FHIP1A: variants seen among roughly 807,000 people sequenced by gnomAD.
The protein encoded by FHIP1A is FHF complex subunit HOOK-interacting protein 1A.
FHIP1A carries 61 observed loss-of-function variants against 88.6 expected under a neutral mutation model. The ratio of observed to expected loss-of-function variants is 0.69; its 90% CI spans 0.56 to 0.85. FHIP1A has a LOEUF of 0.85. Among genes scored for constraint, FHIP1A ranks in the 40% least tolerant of loss-of-function variants. The probability of loss-of-function intolerance (pLI) is 0.00; values close to 1 mark genes in which losing one functional copy is unlikely to be tolerated. For synonymous variants in FHIP1A, 478 were observed against 496.0 expected (o/e 0.96, Z 0.48); for missense variants, 1,154 against 1,273.5 (o/e 0.91, Z 1.43).
intron 4 of FHIP1A, among the ~76,000 whole-genome samples, chr4:151,573,096 T>G (rs979395024): frequency 5.3e-5 from 8 of 152,222 alleles, no homozygotes; most frequent in Non-Finnish European, 5.9e-5. Flanking sequence ...TTAGCCCCAG[T>G]AATTCTCACA....
intron 1 of FHIP1A, among the ~76,000 whole-genome samples, chr4:151,450,453 A>C (rs1362342708): frequency 6.6e-6 from 1 of 152,150 alleles, no homozygotes; most frequent in Non-Finnish European, 1.5e-5. Flanking sequence ...TTATTTATTT[A>C]ATCTATCCTC....
chr4:151,434,507 G>A (rs1733727243), intron 1 of FHIP1A, among the ~76,000 whole-genome samples: 1 of 152,154 alleles, frequency 6.6e-6, no homozygotes, highest in Non-Finnish European at 1.5e-5. Flanking sequence ...TGATATAACA[G>A]GGAGAGCCAA....
intron 3 of FHIP1A, among the ~76,000 whole-genome samples, chr4:151,493,058 G>T (rs1370330058): frequency 6.6e-6 from 1 of 152,006 alleles, no homozygotes; most frequent in East Asian, 1.9e-4. Context: ...TATTTAAAAA[G>T]ATAAACAAAA....
chr4:151,640,494 G>A (rs1736546019), intron 9 of FHIP1A, among the ~76,000 whole-genome samples: 1 of 152,166 alleles, frequency 6.6e-6, no homozygotes, highest in Non-Finnish European at 1.5e-5. Context: ...TCCTCATCAA[G>A]CCTCTACTGA....
chr4:151,554,641 C>G (rs1732876348), intron 3 of FHIP1A, among the ~76,000 whole-genome samples: 1 of 152,116 alleles, frequency 6.6e-6, no homozygotes, highest in South Asian at 2.1e-4. Flanking sequence ...TGTTCTATTT[C>G]TACTGTGAAT....
chr4:151,616,641 G>A (rs1014758014), intron 7 of FHIP1A, among the ~76,000 whole-genome samples: 2 of 151,614 alleles, frequency 1.3e-5, no homozygotes, highest in South Asian at 2.1e-4. Context: ...TAGTGGAGGC[G>A]GGGTTTCACC....
intron 2 of FHIP1A, among the ~76,000 whole-genome samples, chr4:151,466,545 G>A (rs113424284): frequency 0.035 from 5,276 of 151,974 alleles, 305 homozygotes; most frequent in African/African-American, 0.12. Context: ...CAAAAAGAAC[G>A]AAACTGGAGG....
intron 1 of FHIP1A, among the ~76,000 whole-genome samples, chr4:151,425,346 G>A (rs11729586): frequency 0.31 from 47,335 of 151,954 alleles, 8,949 homozygotes; most frequent in Non-Finnish European, 0.43. Context: ...AAAACAAAGA[G>A]GGAAGAGGAA....
intron 3 of FHIP1A, among the ~76,000 whole-genome samples, chr4:151,559,158 T>A (rs1312473421): frequency 6.6e-6 from 1 of 152,190 alleles, no homozygotes. Context: ...TTATCCCTAC[T>A]CATACCCATC....
intron 3 of FHIP1A, among the ~76,000 whole-genome samples, chr4:151,558,082 C>T (rs1561916): frequency 0.29 from 43,952 of 151,846 alleles, 6,569 homozygotes; most frequent in Non-Finnish European, 0.34. Context: ...AGCTTCAAAG[C>T]AGTTAGATCT....
chr4:151,581,406 A>G (rs1348233413), intron 5 of FHIP1A, among the ~76,000 whole-genome samples: 2 of 152,202 alleles, frequency 1.3e-5, no homozygotes, highest in Non-Finnish European at 2.9e-5. Context: ...ATGGGTTTCT[A>G]TTATGTTTTA....
chr4:151,440,431 A>G (rs560075548), intron 1 of FHIP1A, among the ~76,000 whole-genome samples: 97 of 152,216 alleles, frequency 6.4e-4, no homozygotes, highest in Non-Finnish European at 1.0e-3. Context: ...TAGATTTTCA[A>G]TTGTCTACTG....
chr4:151,588,722 A>G (rs1734311730), intron 6 of FHIP1A, 118 bp from the exon 7 acceptor site: 1 of 740,620 alleles, frequency 1.4e-6, no homozygotes, highest in Non-Finnish European at 2.4e-6. Flanking sequence ...TAATCACAGA[A>G]TAAATGGCCA....
chr4:151,604,655 C>G (rs1735000671), intron 7 of FHIP1A, among the ~76,000 whole-genome samples: 1 of 152,022 alleles, frequency 6.6e-6, no homozygotes, highest in Admixed American at 6.6e-5. Flanking sequence ...TTGAGACCAG[C>G]TTGGCCAACA....
At chr4:151,457,487 G>A (rs1334724822) in intron 2 of FHIP1A, among the ~76,000 whole-genome samples, 1 of 152,134 alleles carries the variant, frequency 6.6e-6, no homozygotes, top group Non-Finnish European at 1.5e-5. Flanking sequence ...GAGGGGTTTT[G>A]TGTTTTAGAA....
At chr4:151,477,484 A>G (rs892256612) in intron 2 of FHIP1A, among the ~76,000 whole-genome samples, 6 of 152,272 alleles carry the variant, frequency 3.9e-5, no homozygotes, top group African/African-American at 1.4e-4. Context: ...TAGAAAACTG[A>G]GAAGCCATAA....
intron 3 of FHIP1A, among the ~76,000 whole-genome samples, chr4:151,510,810 G>C (rs1731001778): frequency 6.6e-6 from 1 of 152,214 alleles, no homozygotes; most frequent in African/African-American, 2.4e-5. Flanking sequence ...CTGGATGAAG[G>C]AGACATTTTT....
At chr4:151,507,613 G>T (rs1730879726) in intron 3 of FHIP1A, among the ~76,000 whole-genome samples, 1 of 152,026 alleles carries the variant, frequency 6.6e-6, no homozygotes, top group South Asian at 2.1e-4. Flanking sequence ...GATCTTAGAT[G>T]CATATTGTAT....
At chr4:151,660,802 G>A (rs1158046449) in intron 13 of FHIP1A, among the ~76,000 whole-genome samples, 1 of 152,186 alleles carries the variant, frequency 6.6e-6, no homozygotes, top group African/African-American at 2.4e-5. Flanking sequence ...TGAAGTTGGT[G>A]GCAACTGTAC....
Sources: gnomAD v4.1 joint callset for allele counts (sites outside exome capture counted in the v4.1 genomes callset) on GRCh38, gnomAD v4.1.1 for gene constraint, MANE v1.5 for transcripts, NCBI Gene and HGNC (gene_info 2026-07-23, HGNC 2026-07-21) for gene names.